TMEM154: variants seen among roughly 807,000 people sequenced by gnomAD.
The protein encoded by TMEM154 is transmembrane protein 154.
In TMEM154, 27 loss-of-function variants were observed where a neutral mutation model predicts 24.5. The ratio of observed to expected loss-of-function variants is 1.10; its 90% CI spans 0.81 to 1.52. The LOEUF is 1.52. Ranked by LOEUF, TMEM154 falls within the 40% of genes most tolerant of loss-of-function variation. The pLI is 0.00. For synonymous variants in TMEM154, 67 were observed against 76.8 expected (o/e 0.87, Z 0.67); for missense variants, 228 against 213.4 (o/e 1.07, Z -0.43).
At chr4:152,673,367 C>G (rs529657305) in intron 1 of TMEM154, among the ~76,000 whole-genome samples, 1 of 152,200 alleles carries the variant, frequency 6.6e-6, no homozygotes, top group East Asian at 1.9e-4. Flanking sequence ...GTGGCACAAT[C>G]TCAGCTCACT....
At position 152,628,404 on chromosome 4, in the gene TMEM154, C is replaced by T. The variant is rs779004091; in HGVS notation, c.*142G>A. On this transcript the variant is annotated 3_prime_UTR_variant, in exon 7 of 7. Transcript: ENST00000304385. ...TGATGCCATCATTAGGAAGAGTGGG[C>T]GTTGGAAGAAACAGCAAAAGGTTCT... 2.6e-5 allele frequency: 34 copies of T among 1,329,534 alleles called. No homozygotes were observed. The highest frequency in any genetic ancestry group is 1.9e-4 in the Middle Eastern group (1 of 5,290). The allele number at this position is 1,329,534 out of a possible 1,614,324, so 82.4% of individuals were successfully genotyped here. A position where few individuals can be genotyped will look rare whatever the true frequency, so the allele number is the denominator to read the frequency against.
At chr4:152,653,146 G>A (rs778287437) in intron 1 of TMEM154, among the ~76,000 whole-genome samples, 13 of 152,144 alleles carry the variant, frequency 8.5e-5, no homozygotes, top group Non-Finnish European at 1.8e-4. Context: ...GAAAAACCTT[G>A]CACAAAGGTA....
intron 3 of TMEM154, among the ~76,000 whole-genome samples, chr4:152,651,943 T>C (rs1394709820): frequency 6.6e-6 from 1 of 152,178 alleles, no homozygotes; most frequent in Non-Finnish European, 1.5e-5. Flanking sequence ...TTCAATATTG[T>C]TCTGTATCAG....
chr4:152,638,993 T>C (rs1195671635), intron 6 of TMEM154, among the ~76,000 whole-genome samples: 2 of 152,128 alleles, frequency 1.3e-5, no homozygotes, highest in African/African-American at 4.8e-5. Flanking sequence ...TCTTGTTGCC[T>C]AGGCTGGAGT....
intron 1 of TMEM154, among the ~76,000 whole-genome samples, chr4:152,658,748 G>A (rs1728539390): frequency 6.6e-6 from 1 of 151,530 alleles, no homozygotes; most frequent in Middle Eastern, 3.2e-3. Flanking sequence ...AGGAGTTGGA[G>A]GTTGCAGTGA....
chr4:152,657,852 T>C (rs1408545286), intron 1 of TMEM154, among the ~76,000 whole-genome samples: 2 of 152,110 alleles, frequency 1.3e-5, no homozygotes, highest in East Asian at 3.9e-4. Flanking sequence ...ACAAAAACCC[T>C]GTCAACCAAG....
chr4:152,639,093 G>T (rs112291255), intron 6 of TMEM154, among the ~76,000 whole-genome samples: 3 of 152,132 alleles, frequency 2.0e-5, no homozygotes, highest in African/African-American at 7.2e-5. Context: ...TGGGATTACA[G>T]GTGCCCGCCA....
At chr4:152,631,792 C>CTTTTTTTT (rs1752047652) in intron 6 of TMEM154, among the ~76,000 whole-genome samples, 1 of 131,462 alleles carries the variant, frequency 7.6e-6, no homozygotes, top group Non-Finnish European at 1.6e-5. Context: ...AATCTATCCC[C>CTTTTTTTT]CTTTTTTTTT....
At position 152,624,555 on chromosome 4, in the gene TMEM154, C is replaced by T. The variant is rs1225247415; in HGVS notation, c.*3991G>A. The T allele has an allele frequency of 6.6e-6, 1 of 151,978 alleles. No individual in the cohort carries two copies. The highest frequency in any genetic ancestry group is 2.4e-5 in the African/African-American group (1 of 41,350). The allele number at this position is 151,978 out of a possible 1,614,324, so 9.4% of individuals were successfully genotyped here. The stretch of plus-strand genomic sequence containing the variant: ...AGTTGAGGCTGCAGTGAGCCATAAT[C>T]ACACCATTGCACTCCAGCCTGGGCA... On this transcript the variant is annotated 3_prime_UTR_variant, in exon 7 of 7. Transcript: ENST00000304385.
intron 3 of TMEM154, among the ~76,000 whole-genome samples, chr4:152,649,826 G>T (rs1241930706): frequency 6.6e-6 from 1 of 152,194 alleles, no homozygotes; most frequent in Non-Finnish European, 1.5e-5. Context: ...TGCAGGTTCA[G>T]GTCCAGACCA....
At position 152,628,290 on chromosome 4, in the gene TMEM154, C is replaced by T. The variant is rs1025654803; in HGVS notation, c.*256G>A. The T allele has an allele frequency of 1.8e-5, 11 of 601,940 alleles. No individual in the cohort carries two copies. The highest frequency in any genetic ancestry group is 4.1e-5 in the South Asian group (2 of 49,074). The allele number at this position is 601,940 out of a possible 1,614,324, so 37.3% of individuals were successfully genotyped here. A position where few individuals can be genotyped will look rare whatever the true frequency, so the allele number is the denominator to read the frequency against. ...GTTGATCAGAAGTGAGCACATCACC[C>T]GCCTCCTTCTCCACCCTCAGAGGCA... On this transcript the variant is annotated 3_prime_UTR_variant, in exon 7 of 7. Coordinates refer to ENST00000304385, the MANE Select transcript of TMEM154 (RefSeq NM_152680.3).
intron 6 of TMEM154, among the ~76,000 whole-genome samples, chr4:152,633,755 C>T (rs542396172): frequency 2.6e-5 from 4 of 152,228 alleles, no homozygotes; most frequent in African/African-American, 9.6e-5. Context: ...TCAAGGACCA[C>T]TTGAGCCCAT....
rs1418469273 is a variant in TMEM154 at position 152,622,288 on chromosome 4, C to T, written c.*6258G>A. ...TAGACAATTTTATACAAAGCAGGCCCCTTTTTGAATTGGTATTGTTTCGTT... is the reference window on the plus strand; with the variant it reads ...TAGACAATTTTATACAAAGCAGGCCTCTTTTTGAATTGGTATTGTTTCGTT... On this transcript the variant is annotated 3_prime_UTR_variant, in exon 7 of 7. Transcript: ENST00000304385. 1 of 152,026 alleles carries T rather than the reference C, an allele frequency of 6.6e-6. No individual in the cohort carries two copies. The highest frequency in any genetic ancestry group is 2.4e-5 in the African/African-American group (1 of 41,378). 9.4% of individuals were successfully genotyped at this position (152,026 alleles called of 1,614,324 possible). A position where few individuals can be genotyped will look rare whatever the true frequency, so the allele number is the denominator to read the frequency against.
intron 1 of TMEM154, 92 bp from the exon 2 acceptor site, chr4:152,653,019 C>A (rs1728419171): frequency 3.0e-6 from 4 of 1,335,320 alleles, no homozygotes; most frequent in Non-Finnish European, 4.0e-6. Flanking sequence ...TAGATACATT[C>A]TGTGATAAAT....
At chr4:152,642,171 G>A (rs755835332) in intron 5 of TMEM154, among the ~76,000 whole-genome samples, 14 of 151,712 alleles carry the variant, frequency 9.2e-5, no homozygotes, top group Non-Finnish European at 1.9e-4. Context: ...CACCCGCCTC[G>A]GCCTCCAAAA....
intron 1 of TMEM154, among the ~76,000 whole-genome samples, chr4:152,673,617 C>T (rs994945692): frequency 2.6e-5 from 4 of 152,160 alleles, no homozygotes; most frequent in Non-Finnish European, 5.9e-5. Flanking sequence ...TAATCTTTAA[C>T]TGACTTTTTC....
intron 1 of TMEM154, among the ~76,000 whole-genome samples, chr4:152,664,986 G>C (rs1196224246): frequency 1.3e-5 from 2 of 152,206 alleles, no homozygotes; most frequent in African/African-American, 4.8e-5. Context: ...AAACCAGGAA[G>C]TCTTCCAGTG....
intron 1 of TMEM154, among the ~76,000 whole-genome samples, chr4:152,675,940 T>C (rs1439275648): frequency 6.6e-6 from 1 of 152,214 alleles, no homozygotes; most frequent in East Asian, 1.9e-4. Context: ...AAGCTCATCC[T>C]CTCTGTCTGT....
chr4:152,634,321 C>T (rs575055941), intron 6 of TMEM154, among the ~76,000 whole-genome samples: 9 of 152,298 alleles, frequency 5.9e-5, no homozygotes, highest in Non-Finnish European at 1.0e-4. Context: ...AGCTCATGTA[C>T]TCTGTCTCCA....
Sources: gnomAD v4.1 joint callset for allele counts (sites outside exome capture counted in the v4.1 genomes callset) on GRCh38, gnomAD v4.1.1 for gene constraint, MANE v1.5 for transcripts, NCBI Gene and HGNC (gene_info 2026-07-23, HGNC 2026-07-21) for gene names.